The following PHF2 variants were observed in gnomAD, a reference collection of about 807,000 sequenced individuals.
PHF2 encodes lysine-specific demethylase PHF2.
In PHF2, 27 loss-of-function variants were observed where a neutral mutation model predicts 120.5. That is an observed-to-expected ratio of 0.22 (90% CI 0.17 to 0.31). The LOEUF (loss-of-function observed/expected upper bound fraction) is 0.31, where lower values mean the gene tolerates loss of function less well. Ranked by LOEUF, PHF2 falls within the 10% of genes least tolerant of loss-of-function variation. PHF2 has a pLI of 1.00. For synonymous variants in PHF2, 568 were observed against 592.5 expected, an observed-to-expected ratio of 0.96 and a Z score of 0.60; for missense variants, 1,024 against 1,434.8, an observed-to-expected ratio of 0.71 and a Z score of 4.63.
intron 1 of PHF2, among the ~76,000 whole-genome samples, chr9:93,593,176 C>A (rs1825267536): frequency 6.6e-6 from 1 of 151,790 alleles, no homozygotes; most frequent in Non-Finnish European, 1.5e-5. Flanking sequence ...GCAGCACCCC[C>A]TTCCCTGGAG....
At chr9:93,671,772 A>G (rs1304144915) in intron 17 of PHF2, among the ~76,000 whole-genome samples, 87 of 92,032 alleles carry the variant, frequency 9.5e-4, no homozygotes, top group South Asian at 1.7e-3. Flanking sequence ...GTGGGTGTGG[A>G]TGTAGGTACA....
At chr9:93,671,358 A>G (rs1479058333) in intron 17 of PHF2, among the ~76,000 whole-genome samples, 2 of 141,182 alleles carry the variant, frequency 1.4e-5, no homozygotes, top group Non-Finnish European at 3.2e-5. Flanking sequence ...GGTCAGGTGT[A>G]GATGCAGGTG....
At chr9:93,627,575 T>C (rs1825935854) in intron 1 of PHF2, among the ~76,000 whole-genome samples, 1 of 146,074 alleles carries the variant, frequency 6.8e-6, no homozygotes, top group Non-Finnish European at 1.5e-5. Context: ...AGGCATCCTA[T>C]TTTCCTCCTC....
chr9:93,621,126 G>A (rs981484815), intron 1 of PHF2, among the ~76,000 whole-genome samples: 11 of 152,324 alleles, frequency 7.2e-5, no homozygotes, highest in South Asian at 6.2e-4. Flanking sequence ...ATGTAGGGTC[G>A]GTGCTAGCAG....
chr9:93,673,491 T>C (rs1826847327), intron 17 of PHF2, 94 bp from the exon 18 acceptor site: 2 of 1,169,852 alleles, frequency 1.7e-6, no homozygotes, highest in South Asian at 3.5e-5. Context: ...CAGGAGTTTG[T>C]GCAGGAGTTT....
At chr9:93,663,472 C>A (rs919797264) in intron 13 of PHF2, 45 bp from the exon 14 acceptor site, 5 of 1,210,266 alleles carry the variant, frequency 4.1e-6, no homozygotes, top group South Asian at 1.3e-5. Context: ...CCTGACCCCC[C>A]ACTTCTGTGT....
intron 14 of PHF2, among the ~76,000 whole-genome samples, chr9:93,664,536 C>T (rs1187187512): frequency 6.6e-6 from 1 of 152,184 alleles, no homozygotes; most frequent in Non-Finnish European, 1.5e-5. Context: ...GTAGTTTCCT[C>T]ATTGAAGAGA....
At chr9:93,587,083 A>G (rs1256115729) in intron 1 of PHF2, among the ~76,000 whole-genome samples, 3 of 152,212 alleles carry the variant, frequency 2.0e-5, no homozygotes, top group Admixed American at 1.3e-4. Flanking sequence ...TGCAGTCTGT[A>G]AAGTTCTCTC....
chr9:93,578,347 C>T (rs1310184869), intron 1 of PHF2, among the ~76,000 whole-genome samples: 1 of 152,226 alleles, frequency 6.6e-6, no homozygotes, highest in South Asian at 2.1e-4. Context: ...CAGAACAGGG[C>T]TGACATGCAC....
intron 1 of PHF2, among the ~76,000 whole-genome samples, chr9:93,604,225 G>A (rs990129560): frequency 6.6e-6 from 1 of 152,152 alleles, no homozygotes; most frequent in Non-Finnish European, 1.5e-5. Context: ...TGCAGGTGCC[G>A]GGGACCGAGT....
intron 1 of PHF2, among the ~76,000 whole-genome samples, chr9:93,588,348 G>C (rs141811578): frequency 2.0e-5 from 3 of 152,342 alleles, no homozygotes; most frequent in Non-Finnish European, 4.4e-5. Flanking sequence ...CTCCAGGTGA[G>C]CTCTGGAGTC....
intron 1 of PHF2, among the ~76,000 whole-genome samples, chr9:93,592,218 G>T (rs563666231): frequency 6.6e-6 from 1 of 152,186 alleles, no homozygotes; most frequent in East Asian, 1.9e-4. Context: ...GGGATCTCAG[G>T]GTCTTTTTCT....
In PHF2 at chr9:93,655,968, C is replaced by T; in HGVS notation, c.987C>T (p.Cys329=). 1 of 1,612,972 alleles carries T rather than the reference C, an allele frequency of 6.2e-7. No individual in the cohort carries two copies. Residue 329 remains cysteine (C), a synonymous_variant, in exon 8 of 22, where the codon TGC becomes TGT. Coordinates refer to ENST00000359246, the MANE Select transcript of PHF2 (RefSeq NM_005392.4). ...WIYATLTPVD[C]LAFAGHFLHS... is the part of the protein sequence containing the mutation. ...ACGCCACACTCACCCCTGTGGACTG[C>T]CTGGCCTTCGCGGGACATTTCCTCC... is the stretch of plus-strand genomic sequence containing the variant.
rs769570807 is a variant in PHF2, at chr9:93,645,773, C to T, written c.444C>T (p.Asp148=). 12 of 1,599,202 alleles carry T rather than the reference C, an allele frequency of 7.5e-6. No individual in the cohort carries two copies. Among genetic ancestry groups the T allele is most frequent in the East Asian group, 4.5e-5 (2 of 44,612 alleles). Reference sequence around the variant, plus strand: ...CGGCCCCCACGTTCTATGTCAGTGACGTCGAGAACTACGTGGGTAAGCGCC... The same window carrying T: ...CGGCCCCCACGTTCTATGTCAGTGATGTCGAGAACTACGTGGGTAAGCGCC... ...AVPAPTFYVS[D]VENYVGPERS... is the part of the protein sequence containing the mutation. Residue 148 remains aspartate, a synonymous_variant, in exon 4 of 22, where the codon GAC becomes GAT. Transcript: ENST00000359246.
intron 1 of PHF2, among the ~76,000 whole-genome samples, chr9:93,627,871 C>A (rs1019450755): frequency 6.6e-6 from 1 of 152,150 alleles, no homozygotes; most frequent in African/African-American, 2.4e-5. Flanking sequence ...AGGGCTGTGC[C>A]AGCTCAGGAG....
At chr9:93,669,459 C>T (rs1169160700) in intron 17 of PHF2, among the ~76,000 whole-genome samples, 2 of 152,262 alleles carry the variant, frequency 1.3e-5, no homozygotes, top group African/African-American at 4.8e-5. Context: ...GGGCAGCTCC[C>T]GGCAGTGCCT....
intron 3 of PHF2, among the ~76,000 whole-genome samples, chr9:93,638,875 C>T (rs761896804): frequency 6.6e-5 from 10 of 152,154 alleles, no homozygotes; most frequent in Non-Finnish European, 1.2e-4. Context: ...TGCACTACCA[C>T]GTCTGGCTAA....
chr9:93,599,222 C>T (rs1003004500), intron 1 of PHF2, among the ~76,000 whole-genome samples: 3 of 152,192 alleles, frequency 2.0e-5, no homozygotes, highest in African/African-American at 7.2e-5. Context: ...TGCTGGACCT[C>T]GGGCTGCTGC....
intron 4 of PHF2, among the ~76,000 whole-genome samples, chr9:93,646,866 G>C (rs1367806765): frequency 6.6e-6 from 1 of 152,152 alleles, no homozygotes; most frequent in African/African-American, 2.4e-5. Flanking sequence ...CTTGTCCCGG[G>C]ACCTGGGGTG....
Sources: allele counts gnomAD v4.1 joint callset (sites outside exome capture counted in the v4.1 genomes callset), GRCh38; gene constraint gnomAD v4.1.1; transcripts MANE v1.5; gene names NCBI Gene and HGNC (gene_info 2026-07-23, HGNC 2026-07-21).